Variants in MAGI2 observed in about 807,000 individuals in gnomAD.
The protein encoded by MAGI2 is membrane associated guanylate kinase, WW and PDZ domain containing 2.
A neutral mutation model predicts 133.3 loss-of-function variants in MAGI2; 35 were observed. That is an observed-to-expected ratio of 0.26 (90% confidence interval 0.20 to 0.35). The LOEUF is 0.35. Ranked by LOEUF, MAGI2 falls within the 10% of genes least tolerant of loss-of-function variation. The probability of loss-of-function intolerance (pLI) is 1.00; values close to 1 mark genes in which losing one functional copy is unlikely to be tolerated. For synonymous variants in MAGI2, 729 were observed against 710.6 expected, an observed-to-expected ratio of 1.03 and a Z score of -0.41; for missense variants, 1,636 against 1,863.4, an observed-to-expected ratio of 0.88 and a Z score of 2.25.
At chr7:79,276,555 G>T (rs1835241030) in intron 1 of MAGI2, among the ~76,000 whole-genome samples, 2 of 152,194 alleles carry the variant, frequency 1.3e-5, no homozygotes, top group Non-Finnish European at 2.9e-5. Context: ...TGAAAAACTT[G>T]AACAGATAAA....
intron 1 of MAGI2, among the ~76,000 whole-genome samples, chr7:79,325,526 G>A (rs1278369629): frequency 2.0e-5 from 3 of 152,138 alleles, no homozygotes; most frequent in African/African-American, 7.2e-5. Context: ...TGCAAAGCAT[G>A]AGAGATAGGT....
At chr7:78,343,318 G>C (rs113508362) in intron 9 of MAGI2, among the ~76,000 whole-genome samples, 13 of 152,068 alleles carry the variant, frequency 8.5e-5, no homozygotes, top group African/African-American at 3.1e-4. Context: ...ATAATATAGG[G>C]ACATATACAG....
At chr7:79,003,514 C>T (rs1461833245) in intron 2 of MAGI2, among the ~76,000 whole-genome samples, 1 of 152,178 alleles carries the variant, frequency 6.6e-6, no homozygotes, top group East Asian at 1.9e-4. Flanking sequence ...ATATAGTCTT[C>T]AGTAGTCTGT....
intron 12 of MAGI2, among the ~76,000 whole-genome samples, chr7:78,193,576 T>C (rs1218469716): frequency 1.3e-5 from 2 of 152,206 alleles, no homozygotes; most frequent in African/African-American, 4.8e-5. Flanking sequence ...TTTTTTCAGT[T>C]TAATGAACAT....
chr7:79,418,990 T>C (rs1400887535), intron 1 of MAGI2, among the ~76,000 whole-genome samples: 1 of 151,978 alleles, frequency 6.6e-6, no homozygotes, highest in East Asian at 1.9e-4. Context: ...GCTACCCCAA[T>C]GCCATTCCTA....
intron 2 of MAGI2, among the ~76,000 whole-genome samples, chr7:78,961,016 C>T (rs1039728138): frequency 6.6e-6 from 1 of 152,118 alleles, no homozygotes; most frequent in Non-Finnish European, 1.5e-5. Flanking sequence ...CCCTTGCCAT[C>T]TTTCTAAATG....
intron 1 of MAGI2, among the ~76,000 whole-genome samples, chr7:79,100,650 TA>T (rs934617771): frequency 6.6e-6 from 1 of 151,592 alleles, no homozygotes; most frequent in East Asian, 1.9e-4. Flanking sequence ...TAAAATTTTT[TA>T]AAAAATTATG....
rs181857636 is a variant in MAGI2 at position 78,823,833 on chromosome 7, A to C, written c.418+183257T>G. ...CAAGTCCAATTGGTGCTTTTTCCAA[A>C]TATTCATTGATGTTATCTAATAATT... is the stretch of plus-strand genomic sequence containing the variant. On this transcript the variant is annotated intron_variant, in intron 2 of 21. Transcript: ENST00000354212. Among the ~76,000 whole-genome samples, 459 of 152,238 alleles carry C rather than the reference A, an allele frequency of 3.0e-3. 1 individual carries two copies. The highest frequency in any genetic ancestry group is 0.01 in the African/African-American group (434 of 41,538).
chr7:78,347,611 A>G (rs1396905701), intron 7 of MAGI2, among the ~76,000 whole-genome samples: 1 of 151,560 alleles, frequency 6.6e-6, no homozygotes, highest in Non-Finnish European at 1.5e-5. Context: ...AGCAGCTTGT[A>G]TCATCATCTT....
Position 79,396,090 on chromosome 7 carries a change from C to T in MAGI2, c.301+56930G>A, listed in dbSNP as rs572732692. On this transcript the variant is annotated intron_variant, in intron 1 of 21. Transcript: ENST00000354212. ...TATGTTATCCCATCATTTAGCCCAGCGACTGTTGTAATAGACTGCTAGCAT... is the reference window on the plus strand; with the variant it reads ...TATGTTATCCCATCATTTAGCCCAGTGACTGTTGTAATAGACTGCTAGCAT... 2.3e-4 allele frequency among the ~76,000 whole-genome samples: 35 copies of T among 152,130 alleles called. 1 individual carries two copies. In the South Asian group the frequency reaches 7.1e-3, roughly 31 times the overall value.
chr7:78,907,490 T>G (rs1460064528), intron 2 of MAGI2, among the ~76,000 whole-genome samples: 1 of 152,152 alleles, frequency 6.6e-6, no homozygotes, highest in Non-Finnish European at 1.5e-5. Context: ...TAATGATTTT[T>G]CCAAGCTCGC....
At chr7:79,387,008 C>CATATATTTATATATA (rs1337399974) in intron 1 of MAGI2, among the ~76,000 whole-genome samples, 1 of 112,290 alleles carries the variant, frequency 8.9e-6, no homozygotes, top group Non-Finnish European at 1.7e-5. Context: ...TATACACACA[C>CATATATTTATATATA]ACACGTTATA....
At chr7:78,504,448 C>T (rs1450478317) in intron 4 of MAGI2, among the ~76,000 whole-genome samples, 2 of 151,966 alleles carry the variant, frequency 1.3e-5, no homozygotes, top group Non-Finnish European at 2.9e-5. Context: ...CAGGTACCAT[C>T]AAGAGAAAGA....
At chr7:78,073,850 G>A (rs1167318816) in intron 21 of MAGI2, among the ~76,000 whole-genome samples, 1 of 152,176 alleles carries the variant, frequency 6.6e-6, no homozygotes, top group African/African-American at 2.4e-5. Context: ...GCAATAACCA[G>A]GGTGAAGGAG....
intron 21 of MAGI2, among the ~76,000 whole-genome samples, chr7:78,027,071 G>A (rs1808995786): frequency 6.6e-6 from 1 of 152,174 alleles, no homozygotes; most frequent in South Asian, 2.1e-4. Flanking sequence ...TAGCTAAGGG[G>A]CATTGAATGG....
chr7:78,764,995 G>T (rs973335051), intron 2 of MAGI2, among the ~76,000 whole-genome samples: 2 of 152,214 alleles, frequency 1.3e-5, no homozygotes, highest in Admixed American at 1.3e-4. Context: ...GATCAGAGTG[G>T]GAGATTCAGG....
intron 6 of MAGI2, among the ~76,000 whole-genome samples, chr7:78,423,225 G>A (rs1038420366): frequency 6.6e-6 from 1 of 152,196 alleles, no homozygotes; most frequent in Non-Finnish European, 1.5e-5. Flanking sequence ...GATAGCGAAT[G>A]AGCCTCACGA....
At chr7:78,432,741 C>T (rs1799918817) in intron 6 of MAGI2, among the ~76,000 whole-genome samples, 1 of 151,870 alleles carries the variant, frequency 6.6e-6, no homozygotes, top group South Asian at 2.1e-4. Flanking sequence ...TGAATATTTA[C>T]TGTATTGTGC....
chr7:78,768,636 A>G (rs992276878), intron 2 of MAGI2, among the ~76,000 whole-genome samples: 1 of 152,204 alleles, frequency 6.6e-6, no homozygotes, highest in Non-Finnish European at 1.5e-5. Context: ...CCATCTTGTT[A>G]AAAGTATTGT....
Sources: gnomAD v4.1 joint callset for allele counts (sites outside exome capture counted in the v4.1 genomes callset) on GRCh38, gnomAD v4.1.1 for gene constraint, MANE v1.5 for transcripts, NCBI Gene and HGNC (gene_info 2026-07-23, HGNC 2026-07-21) for gene names.